Variants in NHERF4 observed in about 807,000 individuals in gnomAD.
NHERF4 encodes the protein NHERF family PDZ scaffold protein 4, also known as Na(+)/H(+) exchange regulatory cofactor NHE-RF4.
At chr11:119,188,964 TC>T in the NHERF4 span, 34 of 1,613,134 alleles carry the variant, frequency 2.1e-5, no homozygotes, top group Admixed American at 5.7e-4. Flanking sequence ...CAGCAAACTT[TC>T]CCCCGGTGTC....
chr11:119,190,164 C>G, the NHERF4 span: 3 of 934,080 alleles, frequency 3.2e-6, no homozygotes, highest in African/African-American at 5.0e-5. This position sits in a 1 kb window ranked among gnomAD's most constrained non-coding sequence, Gnocchi z 4.2. Context: ...TAAACAACAA[C>G]AAAAACAAAA....
At chr11:119,187,571 G>A in the NHERF4 span, 25 of 1,594,632 alleles carry the variant, frequency 1.6e-5, no homozygotes, top group African/African-American at 2.7e-4. Flanking sequence ...TAGGCAATCA[G>A]GGTCCTTTCT....
the NHERF4 span, chr11:119,188,490 G>C: frequency 5.0e-4 from 797 of 1,609,442 alleles, 7 homozygotes; most frequent in East Asian, 0.011. Flanking sequence ...AGGATCCAGG[G>C]GCAGGGCTCC....
the NHERF4 span, chr11:119,188,767 C>G: frequency 9.9e-6 from 16 of 1,614,116 alleles, no homozygotes; most frequent in South Asian, 4.4e-5. Flanking sequence ...CCTTCTGTCC[C>G]TCTTGGCTCC....
the NHERF4 span, chr11:119,188,138 CGCCCTGGTGAGTGGGA>C: frequency 1.9e-6 from 3 of 1,539,308 alleles, no homozygotes; most frequent in Non-Finnish European, 2.6e-6. Context: ...CCTTGACGGT[CGCCCTGGTGAGTGGGA>C]GCCCTGGGGG....
the NHERF4 span, chr11:119,189,160 G>C: frequency 6.2e-7 from 1 of 1,613,330 alleles, no homozygotes; most frequent in Admixed American, 1.7e-5. This position sits in a 1 kb window ranked among gnomAD's most constrained non-coding sequence, Gnocchi z 5.8. Context: ...TGGCAGCCAG[G>C]TCTCTGCGGG....
the NHERF4 span, chr11:119,187,417 A>G: frequency 2.0e-5 from 32 of 1,614,094 alleles, no homozygotes; most frequent in Middle Eastern, 1.6e-4. Flanking sequence ...GCTGTGCCAC[A>G]TAGTGAAAGA....
chr11:119,188,632 C>T, the NHERF4 span: 13 of 1,613,966 alleles, frequency 8.1e-6, no homozygotes, highest in Non-Finnish European at 1.1e-5. Context: ...CTCCCTGCCA[C>T]CTTCCAGGTT....
At chr11:119,189,502 G>A in the NHERF4 span, 3 of 1,613,758 alleles carry the variant, frequency 1.9e-6, no homozygotes, top group Non-Finnish European at 2.5e-6. The surrounding 1 kb of genome is among the most constrained non-coding windows in gnomAD (Gnocchi z 5.8). Context: ...GAGCACCCCT[G>A]CTTGGTACAG....
chr11:119,185,762 G>A, the NHERF4 span: 1 of 927,614 alleles, frequency 1.1e-6, no homozygotes, highest in South Asian at 1.4e-5. Context: ...ATAGTCCTGT[G>A]TGTATGGCAG....
At chr11:119,189,130 G>A in the NHERF4 span, 9 of 1,613,982 alleles carry the variant, frequency 5.6e-6, no homozygotes, top group Non-Finnish European at 6.8e-6. This position sits in a 1 kb window ranked among gnomAD's most constrained non-coding sequence, Gnocchi z 5.8. Flanking sequence ...CTGAGGCTGA[G>A]CCACCCCTCT....
the NHERF4 span, chr11:119,186,607 T>A: frequency 6.2e-7 from 1 of 1,614,018 alleles, no homozygotes; most frequent in East Asian, 2.2e-5. The surrounding 1 kb of genome is among the most constrained non-coding windows in gnomAD (Gnocchi z 4.4). Context: ...CCCAGGCACC[T>A]CTGCCCAGCG....
the NHERF4 span, chr11:119,189,357 G>A: frequency 1.3e-5 from 19 of 1,519,424 alleles, no homozygotes; most frequent in Non-Finnish European, 1.6e-5. This position sits in a 1 kb window ranked among gnomAD's most constrained non-coding sequence, Gnocchi z 5.8. Context: ...AGAAGGACTC[G>A]TGAAATAAAC....
the NHERF4 span, chr11:119,186,336 C>T: frequency 1.3e-6 from 2 of 1,559,078 alleles, no homozygotes; most frequent in Non-Finnish European, 1.8e-6. This position sits in a 1 kb window ranked among gnomAD's most constrained non-coding sequence, Gnocchi z 4.4. Flanking sequence ...TCCCTCTGCC[C>T]ACGAACCCCA....
At chr11:119,190,085 A>G in the NHERF4 span, 1 of 531,628 alleles carries the variant, frequency 1.9e-6, no homozygotes, top group Admixed American at 3.4e-5. This position sits in a 1 kb window ranked among gnomAD's most constrained non-coding sequence, Gnocchi z 4.2. Context: ...TTTCCTATCA[A>G]TCACTGAATC....
chr11:119,188,716 T>C, the NHERF4 span: 3 of 1,614,182 alleles, frequency 1.9e-6, no homozygotes, highest in South Asian at 2.2e-5. Flanking sequence ...TCAGCCTCAC[T>C]GGTTGAGACA....
At chr11:119,187,854 G>A in the NHERF4 span, 1 of 1,469,464 alleles carries the variant, frequency 6.8e-7, no homozygotes, top group Non-Finnish European at 9.0e-7. Flanking sequence ...GCTCCACTTA[G>A]TGCCTGGGAG....
At chr11:119,189,305 G>A in the NHERF4 span, 2 of 1,487,520 alleles carry the variant, frequency 1.3e-6, no homozygotes, top group Non-Finnish European at 1.9e-6. This position sits in a 1 kb window ranked among gnomAD's most constrained non-coding sequence, Gnocchi z 5.8. Context: ...GAAGCCGTGT[G>A]GGGTATGCAG....
the NHERF4 span, chr11:119,185,685 C>A: frequency 1.0e-5 from 8 of 769,260 alleles, no homozygotes; most frequent in Middle Eastern, 7.1e-4. Context: ...TGGTCCACAC[C>A]CTGTACTGAT....
Sources: gnomAD v4.1 joint callset for allele counts on GRCh38, gnomAD v4.1.1 for gene constraint, Gnocchi (gnomAD v3.1) non-coding constraint, MANE v1.5 for transcripts, NCBI Gene and HGNC (gene_info 2026-07-23, HGNC 2026-07-21) for gene names.